The following IGF2BP3 variants were observed in gnomAD, a reference collection of about 807,000 sequenced individuals.
The protein encoded by IGF2BP3 is insulin-like growth factor 2 mRNA-binding protein 3.
In IGF2BP3, 9 loss-of-function variants were observed where a neutral mutation model predicts 73.8. The observed-to-expected ratio is 0.12, with a 90% CI of 0.07 to 0.21. The LOEUF is 0.21. Ranked by LOEUF, IGF2BP3 falls within the 10% of genes least tolerant of loss-of-function variation. IGF2BP3 has a pLI of 1.00. For synonymous variants in IGF2BP3, 258 were observed against 256.7 expected (o/e 1.01, Z -0.05); for missense variants, 542 against 714.0 (o/e 0.76, Z 2.75).
At chr7:23,321,387 G>A (rs1488842657) in intron 10 of IGF2BP3, among the ~76,000 whole-genome samples, 1 of 150,680 alleles carries the variant, frequency 6.6e-6, no homozygotes, top group Non-Finnish European at 1.5e-5. Context: ...CGGCACACCA[G>A]GAGATTATAT....
chr7:23,465,712 C>T (rs1297294658), intron 2 of IGF2BP3, among the ~76,000 whole-genome samples: 1 of 152,210 alleles, frequency 6.6e-6, no homozygotes, highest in African/African-American at 2.4e-5. Context: ...TGTGGGTGTG[C>T]CTGCCTCAGA....
intron 10 of IGF2BP3, among the ~76,000 whole-genome samples, chr7:23,330,178 C>T (rs531170581): frequency 2.6e-5 from 4 of 151,918 alleles, no homozygotes; most frequent in East Asian, 1.9e-4. Context: ...CCCAGCTACT[C>T]GAGAGGCTGA....
intron 2 of IGF2BP3, among the ~76,000 whole-genome samples, chr7:23,456,431 G>A (rs987344857): frequency 4.6e-5 from 7 of 152,170 alleles, no homozygotes; most frequent in Admixed American, 2.6e-4. Context: ...AGTTTCCTCC[G>A]CAAGAAACTA....
At chr7:23,368,404 A>G (rs75766295) in intron 3 of IGF2BP3, among the ~76,000 whole-genome samples, 8,264 of 147,766 alleles carry the variant, frequency 0.056, 749 homozygotes, top group African/African-American at 0.19. Flanking sequence ...ATTATGCTAA[A>G]TGAAAACAGT....
chr7:23,443,447 G>C (rs182820714), intron 2 of IGF2BP3, among the ~76,000 whole-genome samples: 1 of 152,020 alleles, frequency 6.6e-6, no homozygotes, highest in Non-Finnish European at 1.5e-5. Context: ...TTTTAGTAGA[G>C]ACGGGGTTTC....
intron 3 of IGF2BP3, among the ~76,000 whole-genome samples, chr7:23,376,798 C>T (rs449271): frequency 0.29 from 44,573 of 151,988 alleles, 10,858 homozygotes; most frequent in African/African-American, 0.67. Context: ...GCCCAGAAGG[C>T]GGAGGCTGCA....
intron 9 of IGF2BP3, among the ~76,000 whole-genome samples, chr7:23,342,474 T>TA (rs1784736732): frequency 6.6e-6 from 1 of 152,162 alleles, no homozygotes; most frequent in Non-Finnish European, 1.5e-5. Flanking sequence ...CCACAGGACT[T>TA]AGACAAAACC....
chr7:23,466,181 C>T (rs955067817), intron 2 of IGF2BP3, among the ~76,000 whole-genome samples: 1 of 152,088 alleles, frequency 6.6e-6, no homozygotes, highest in African/African-American at 2.4e-5. Flanking sequence ...TGCTACCATG[C>T]CCAGCTAATT....
chr7:23,360,947 A>C (rs116887923), intron 5 of IGF2BP3, among the ~76,000 whole-genome samples: 2 of 152,066 alleles, frequency 1.3e-5, no homozygotes, highest in African/African-American at 4.8e-5. Flanking sequence ...AGTTTATTAG[A>C]TCTTTTCCAG....
At chr7:23,423,196 C>A (rs948248198) in intron 2 of IGF2BP3, among the ~76,000 whole-genome samples, 1 of 152,086 alleles carries the variant, frequency 6.6e-6, no homozygotes, top group African/African-American at 2.4e-5. Flanking sequence ...GTACAAGAGC[C>A]AAAAGTCTCA....
At chr7:23,386,471 G>C (rs1384902732) in intron 3 of IGF2BP3, among the ~76,000 whole-genome samples, 3 of 152,154 alleles carry the variant, frequency 2.0e-5, no homozygotes, top group Non-Finnish European at 4.4e-5. Flanking sequence ...ATGATGGAGT[G>C]ACCAAAGGGA....
At chr7:23,317,877 G>A (rs1562666706) in intron 11 of IGF2BP3, 164 bp from the exon 12 acceptor site, 2 of 645,550 alleles carry the variant, frequency 3.1e-6, no homozygotes, top group East Asian at 2.7e-5. Context: ...CACAATTTAG[G>A]CCTCCCTCCT....
intron 2 of IGF2BP3, among the ~76,000 whole-genome samples, chr7:23,437,032 T>C (rs1463382251): frequency 6.6e-6 from 1 of 151,794 alleles, no homozygotes; most frequent in Non-Finnish European, 1.5e-5. Context: ...GGCAGGAGAA[T>C]TGCTTGAACC....
At chr7:23,387,662 G>T (rs1472862052) in intron 3 of IGF2BP3, among the ~76,000 whole-genome samples, 6 of 151,842 alleles carry the variant, frequency 4.0e-5, no homozygotes. Context: ...TAAATTATCT[G>T]ATTTTAAAAA....
At position 23,339,421 on chromosome 7, in the gene IGF2BP3, A is replaced by G. The variant is rs530396277; in HGVS notation, c.1203+2643T>C. Among the ~76,000 whole-genome samples the G allele has an allele frequency of 2.3e-4, 35 of 152,364 alleles. 1 individual carries two copies. Among genetic ancestry groups the G allele is most frequent in the Admixed American group, 2.0e-3 (30 of 15,304 alleles). The stretch of plus-strand genomic sequence containing the variant: ...ACATAGGAACCTGATACACAGAACT[A>G]TACCATAAGTCAGAAAAATGACTAA... On this transcript the variant is annotated intron_variant, in intron 10 of 14. Transcript: ENST00000258729.
chr7:23,405,959 A>T (rs1257480521), intron 3 of IGF2BP3, among the ~76,000 whole-genome samples: 2 of 152,150 alleles, frequency 1.3e-5, no homozygotes, highest in African/African-American at 4.8e-5. Context: ...GAGCAATGGA[A>T]ATATTAATGC....
intron 2 of IGF2BP3, among the ~76,000 whole-genome samples, chr7:23,441,661 T>G (rs897459078): frequency 2.0e-5 from 3 of 148,384 alleles, no homozygotes; most frequent in African/African-American, 7.4e-5. Flanking sequence ...TTGCAGAACC[T>G]TAACTGCTCC....
At chr7:23,436,027 G>C (rs1360811139) in intron 2 of IGF2BP3, among the ~76,000 whole-genome samples, 2 of 152,234 alleles carry the variant, frequency 1.3e-5, no homozygotes, top group Non-Finnish European at 2.9e-5. Context: ...AAAGTACTGG[G>C]AGAACAGGCA....
intron 2 of IGF2BP3, among the ~76,000 whole-genome samples, chr7:23,428,996 A>G (rs1685925704): frequency 6.6e-6 from 1 of 152,078 alleles, no homozygotes; most frequent in Non-Finnish European, 1.5e-5. Context: ...TTCTGTTATG[A>G]CGTGATATTC....
Sources: allele counts gnomAD v4.1 joint callset (sites outside exome capture counted in the v4.1 genomes callset), GRCh38; gene constraint gnomAD v4.1.1; transcripts MANE v1.5; gene names NCBI Gene and HGNC (gene_info 2026-07-23, HGNC 2026-07-21).